CCSER1: variants seen among roughly 807,000 people sequenced by gnomAD.
CCSER1 encodes the protein serine-rich coiled-coil domain-containing protein 1.
A neutral mutation model predicts 82.0 loss-of-function variants in CCSER1; 41 were observed. That is an observed-to-expected ratio of 0.50 (90% CI 0.39 to 0.65). The LOEUF is 0.65. CCSER1 is among the 30% of genes least tolerant of loss of function. The pLI, the probability that CCSER1 is intolerant of heterozygous loss-of-function variation, is 0.00. For synonymous variants in CCSER1, 414 were observed against 383.9 expected (o/e 1.08, Z -0.92); for missense variants, 1,119 against 1,064.2 (o/e 1.05, Z -0.72).
chr4:91,048,495 A>G (rs538906491), intron 9 of CCSER1, among the ~76,000 whole-genome samples: 2 of 152,088 alleles, frequency 1.3e-5, no homozygotes, highest in Non-Finnish European at 2.9e-5. Context: ...GGGGACTTCA[A>G]ATATGGTAAT....
chr4:91,088,991 G>A (rs933010033), intron 10 of CCSER1, among the ~76,000 whole-genome samples: 1 of 151,928 alleles, frequency 6.6e-6, no homozygotes, highest in African/African-American at 2.4e-5. Context: ...AAGCTTCTGT[G>A]TGTGCCTGTA....
intron 8 of CCSER1, among the ~76,000 whole-genome samples, chr4:90,842,053 AGCTTG>A (rs1762639517): frequency 6.6e-6 from 1 of 152,042 alleles, no homozygotes; most frequent in South Asian, 2.1e-4. Context: ...TAAAAAACAC[AGCTTG>A]GCATTAGTTT....
chr4:91,036,231 T>C (rs2150566653), intron 9 of CCSER1, among the ~76,000 whole-genome samples: 1 of 152,324 alleles, frequency 6.6e-6, no homozygotes, highest in Non-Finnish European at 1.5e-5. Flanking sequence ...ACATTGTTCA[T>C]AACAAACTTA....
intron 10 of CCSER1, among the ~76,000 whole-genome samples, chr4:91,122,224 G>T (rs1727146369): frequency 6.6e-6 from 1 of 151,694 alleles, no homozygotes; most frequent in South Asian, 2.1e-4. Context: ...AGTAAATAGT[G>T]ATGGTTCCTT....
At chr4:90,385,449 G>A (rs1749879843) in intron 3 of CCSER1, among the ~76,000 whole-genome samples, 1 of 128,312 alleles carries the variant, frequency 7.8e-6, no homozygotes, top group Admixed American at 7.8e-5. Flanking sequence ...GAAAGATGGT[G>A]TCTCGGTGTA....
Position 91,016,302 on chromosome 4 carries a change from C to A in CCSER1, c.2173-69648C>A, listed in dbSNP as rs147527192. On this transcript the variant is annotated intron_variant, in intron 9 of 10. Coordinates refer to ENST00000509176, the MANE Select transcript of CCSER1 (RefSeq NM_001145065.2). ...ATACTATTTTATTTATTTAAAGGCT[C>A]CTGAAATTCATTCTGAATGTATCGG... Among the ~76,000 whole-genome samples the A allele has an allele frequency of 4.6e-5, 7 of 151,850 alleles. No homozygotes were observed. In the East Asian group the frequency reaches 1.4e-3, roughly 29 times the overall value.
At chr4:91,201,447 C>T (rs1735895789) in intron 10 of CCSER1, among the ~76,000 whole-genome samples, 1 of 151,996 alleles carries the variant, frequency 6.6e-6, no homozygotes, top group Non-Finnish European at 1.5e-5. Context: ...GGTCACACAA[C>T]CTACAACTAT....
At chr4:90,946,948 C>T (rs151038599) in intron 9 of CCSER1, among the ~76,000 whole-genome samples, 7 of 152,296 alleles carry the variant, frequency 4.6e-5, no homozygotes, top group East Asian at 3.9e-4. Flanking sequence ...CAGCAAGCAA[C>T]GCTTCTCCAG....
chr4:90,303,438 G>A (rs554325877), intron 1 of CCSER1, among the ~76,000 whole-genome samples: 101 of 152,154 alleles, frequency 6.6e-4, no homozygotes, highest in African/African-American at 2.2e-3. Flanking sequence ...GCATGGTACT[G>A]GTACCAAAAC....
At chr4:90,885,527 G>A (rs1035346390) in intron 8 of CCSER1, among the ~76,000 whole-genome samples, 7 of 152,028 alleles carry the variant, frequency 4.6e-5, no homozygotes, top group Non-Finnish European at 8.8e-5. Flanking sequence ...TTTTAATTTT[G>A]TGAGCTCAAG....
intron 10 of CCSER1, among the ~76,000 whole-genome samples, chr4:91,255,897 A>G (rs1202022078): frequency 6.6e-6 from 1 of 152,144 alleles, no homozygotes. Context: ...AACTGCACAA[A>G]TTGTTCGTAA....
At chr4:90,450,151 A>T (rs918699634) in intron 4 of CCSER1, among the ~76,000 whole-genome samples, 4 of 152,174 alleles carry the variant, frequency 2.6e-5, no homozygotes, top group Non-Finnish European at 5.9e-5. Context: ...GGCCTATGTA[A>T]GGGTCCCTGG....
chr4:91,586,969 T>C (rs1284733352), intron 10 of CCSER1, among the ~76,000 whole-genome samples: 1 of 151,750 alleles, frequency 6.6e-6, no homozygotes, highest in Non-Finnish European at 1.5e-5. Context: ...AATGAAATAA[T>C]AAATAGTGAA....
intron 10 of CCSER1, among the ~76,000 whole-genome samples, chr4:91,349,718 T>C (rs1158801804): frequency 1.3e-5 from 2 of 151,670 alleles, no homozygotes; most frequent in East Asian, 3.8e-4. Context: ...TTTTTTTTTT[T>C]CCTCTCAGGT....
At chr4:91,125,335 G>A (rs186954263) in intron 10 of CCSER1, among the ~76,000 whole-genome samples, 79 of 151,614 alleles carry the variant, frequency 5.2e-4, no homozygotes, top group African/African-American at 1.8e-3. Context: ...AACATTGCAT[G>A]GCAATTTTAT....
intron 9 of CCSER1, among the ~76,000 whole-genome samples, chr4:91,024,037 G>A (rs745514395): frequency 1.5e-4 from 23 of 152,102 alleles, no homozygotes; most frequent in Non-Finnish European, 2.6e-4. Flanking sequence ...TGTATCCCAT[G>A]GCAAGGAGAC....
intron 10 of CCSER1, among the ~76,000 whole-genome samples, chr4:91,352,650 A>T (rs1748557300): frequency 6.6e-6 from 1 of 152,198 alleles, no homozygotes; most frequent in Non-Finnish European, 1.5e-5. Flanking sequence ...ACTGTATAAA[A>T]CCTGATTTCT....
chr4:90,606,508 A>C (rs1223963561), intron 5 of CCSER1, among the ~76,000 whole-genome samples: 1 of 152,218 alleles, frequency 6.6e-6, no homozygotes, highest in Non-Finnish European at 1.5e-5. Flanking sequence ...ATTATTGACC[A>C]AAATGTCATT....
At chr4:91,512,834 G>A (rs1057290879) in intron 10 of CCSER1, among the ~76,000 whole-genome samples, 20 of 152,146 alleles carry the variant, frequency 1.3e-4, no homozygotes, top group African/African-American at 4.8e-4. Context: ...CTTTACTGAA[G>A]TTGTTTATCA....
Sources: gnomAD v4.1 joint callset for allele counts (sites outside exome capture counted in the v4.1 genomes callset) on GRCh38, gnomAD v4.1.1 for gene constraint, MANE v1.5 for transcripts, NCBI Gene and HGNC (gene_info 2026-07-23, HGNC 2026-07-21) for gene names.